Variants in ADCY4 observed in about 807,000 individuals in gnomAD.
The protein encoded by ADCY4 is adenylate cyclase 4, also known as adenylate cyclase type 4.
A neutral mutation model predicts 125.5 loss-of-function variants in ADCY4; 111 were observed. The observed-to-expected ratio is 0.88, with a 90% CI of 0.76 to 1.04. The LOEUF is 1.04. ADCY4 is among the 50% of genes least tolerant of loss of function. The pLI is 0.00. For missense variants in ADCY4, 1,256 were observed against 1,382.9 expected (o/e 0.91, Z 1.46); for synonymous variants, 576 against 586.9 (o/e 0.98, Z 0.27).
chr14:24,322,183 CT>C lies in ADCY4; in HGVS notation c.2468del (p.Lys823SerfsTer2). Reference protein sequence around the residue: ...YCRLDFLWKKKLRQEREETET... With the variant: ...YCRLDFLWKKXLRQEREETET... ...CTGTCTCCTCCCTCTCCTGCCTCAG[CT>C]TCTTCTTCCACAGGAAGTCCAGGCG... On this transcript the variant is annotated frameshift_variant, in exon 20 of 25. Transcript: ENST00000418030. LOFTEE classifies it high-confidence loss of function. The C allele has an allele frequency of 1.2e-6, 2 of 1,614,104 alleles. No homozygotes were observed. The highest frequency in any genetic ancestry group is 1.7e-6 in the Non-Finnish European group (2 of 1,179,976).
In ADCY4 at chr14:24,329,441, C is replaced by T. The variant is rs781569664; in HGVS notation, c.1310G>A (p.Arg437Gln). ...CAGATAGGTAGGCTCCCCTAGCTCCCGAAGGTAGGGGTCCCGATGCTCCAT... is the reference window on the plus strand; with the variant it reads ...CAGATAGGTAGGCTCCCCTAGCTCCTGAAGGTAGGGGTCCCGATGCTCCAT... Reference protein sequence around the residue: ...AGMEHRDPYLRELGEPTYLVI... With the variant: ...AGMEHRDPYLQELGEPTYLVI... Residue 437 changes from arginine (R) to glutamine (Q), a missense_variant, in exon 9 of 25, where the codon CGG (arginine) becomes CAG (glutamine). Arg to Gln is a conservative substitution (Grantham distance 43). Coordinates refer to ENST00000418030, the MANE Select transcript of ADCY4 (RefSeq NM_001198568.2). The T allele has an allele frequency of 1.3e-5, 21 of 1,576,976 alleles. No homozygotes were observed. The highest frequency in any genetic ancestry group is 3.8e-5 in the Admixed American group (2 of 52,302).
chr14:24,330,460 C>A, intron 6 of ADCY4, 165 bp from the exon 7 acceptor site: 1 of 902,342 alleles, frequency 1.1e-6, no homozygotes, highest in Non-Finnish European at 1.7e-6. Context: ...ATGGGGCTAA[C>A]TGTCTTTCAT....
Position 24,332,793 on chromosome 14 carries a change from G to T in ADCY4, c.355C>A (p.Gln119Lys). 6.5e-7 allele frequency: 1 copy of T among 1,550,038 alleles called. No homozygotes were observed. The highest frequency in any genetic ancestry group is 8.7e-7 in the Non-Finnish European group (1 of 1,144,038). The change falls in exon 2 of 25, where the codon CAG becomes AAG. Residue 119 changes from glutamine to lysine, a missense_variant and splice_region_variant. Gln to Lys is a moderately conservative substitution (Grantham distance 53, BLOSUM62 1). Transcript: ENST00000418030. ...FTGGVVSAWD[Q>K]VSYFLFVIFT... ...GCCCCGCCTGCCGCCCCTCTCACCT[G>T]GTCCCAGGCGCTCACCACGCCCCCG...
chr14:24,332,550 G>C lies in ADCY4; in HGVS notation c.491C>G (p.Pro164Arg). 1 of 1,572,852 alleles carries C rather than the reference G, an allele frequency of 6.4e-7. No individual in the cohort carries two copies. Among genetic ancestry groups the C allele is most frequent in the South Asian group, 1.2e-5 (1 of 86,018 alleles). ...CGGCAGCAGTGCAGGCCGTGAGTCC[G>C]GCTGTGGCCCAAGATACAGCCCGAG... The part of the protein sequence containing the change: ...LVLGLYLGPQ[P>R]DSRPALLPQL... The change falls in exon 3 of 25, where the codon CCG becomes CGG. Residue 164 changes from proline to arginine, a missense_variant. Physicochemically the swap from Pro to Arg is moderately radical, Grantham distance 103 (BLOSUM62 -2). Coordinates refer to ENST00000418030, the MANE Select transcript of ADCY4 (RefSeq NM_001198568.2).
In ADCY4 at chr14:24,318,877, G is replaced by A. The variant is rs530913533; in HGVS notation, c.2957-99C>T. The stretch of plus-strand genomic sequence containing the variant: ...AGGGAGAAGAGCCTGGGGGGCCCTA[G>A]AGGAGAGGAGGGGTCTCTAAGGGCT... On this transcript the variant is annotated intron_variant, in intron 23 of 24. Coordinates refer to ENST00000418030, the MANE Select transcript of ADCY4 (RefSeq NM_001198568.2). The A allele has an allele frequency of 1.9e-4, 300 of 1,540,004 alleles. 1 individual carries two copies. In the African/African-American group the frequency reaches 3.3e-3, roughly 17 times the overall value.
Position 24,318,445 on chromosome 14 carries a change from T to C in ADCY4, c.3205A>G (p.Thr1069Ala), listed in dbSNP as rs1158903102. 1.9e-6 allele frequency: 3 copies of C among 1,614,016 alleles called. No homozygotes were observed. Among genetic ancestry groups the C allele is most frequent in the Non-Finnish European group, 1.7e-6 (2 of 1,179,992 alleles). The change falls in exon 25 of 25, where the codon ACT becomes GCT. Residue 1069 changes from threonine (T) to alanine (A), a missense_variant. Transcript: ENST00000418030. ...TYFLNTDLTR[T>A]GPPSATLG Reference sequence around the variant, plus strand: ...CCTAGGGTAGCTGAAGGAGGTCCAGTTCGTGTCAAGTCTGTGTTCAGGAAG... The same window carrying C: ...CCTAGGGTAGCTGAAGGAGGTCCAGCTCGTGTCAAGTCTGTGTTCAGGAAG...
chr14:24,327,555 A>T (rs966608800), intron 10 of ADCY4, among the ~76,000 whole-genome samples: 3 of 152,110 alleles, frequency 2.0e-5, no homozygotes, highest in African/African-American at 7.2e-5. Context: ...CCTCATGTTA[A>T]CACTTGGAAT....
chr14:24,333,828 TG>T (rs2042089361), intron 1 of ADCY4, among the ~76,000 whole-genome samples: 1 of 152,128 alleles, frequency 6.6e-6, no homozygotes, highest in African/African-American at 2.4e-5. Flanking sequence ...CGCACCTCCC[TG>T]GCCACCAGGG....
At chr14:24,324,608 A>G (rs1033955591) in intron 14 of ADCY4, among the ~76,000 whole-genome samples, 5 of 152,028 alleles carry the variant, frequency 3.3e-5, no homozygotes, top group East Asian at 3.9e-4. Flanking sequence ...ACAGGGACCC[A>G]TATGGTGGGG....
chr14:24,322,294 C>T, intron 19 of ADCY4, 70 bp from the exon 20 acceptor site: 2 of 1,535,558 alleles, frequency 1.3e-6, no homozygotes, highest in Non-Finnish European at 1.8e-6. Context: ...GTGTTCAGCC[C>T]CAACTCCATG....
intron 8 of ADCY4, 94 bp from the exon 9 acceptor site, chr14:24,329,627 C>T: frequency 2.0e-6 from 3 of 1,468,560 alleles, no homozygotes; most frequent in South Asian, 1.4e-5. Context: ...AACTGACAAA[C>T]ATCTCATGTC....
Position 24,330,174 on chromosome 14 carries a change from G to T in ADCY4, c.1052C>A (p.Ala351Asp). The T allele has an allele frequency of 1.2e-6, 2 of 1,613,740 alleles. No individual in the cohort carries two copies. Among genetic ancestry groups the T allele is most frequent in the East Asian group, 4.5e-5 (2 of 44,864 alleles). ...CVRMGLDMCR[A>D]IRKLRAATGV... Reference sequence around the variant, plus strand: ...GACCACCGCCTGAGCTGACCTGATGGCCCGGCACATGTCCAGGCCCATGCG... The same window carrying T: ...GACCACCGCCTGAGCTGACCTGATGTCCCGGCACATGTCCAGGCCCATGCG... Residue 351 changes from alanine (A) to aspartate (D), a missense_variant, in exon 7 of 25, where the codon GCC becomes GAC. Transcript: ENST00000418030.
rs2041898826 is a variant in ADCY4 at position 24,323,967 on chromosome 14, G to A, written c.2046+95C>T. 7 of 1,507,046 alleles carry A rather than the reference G, an allele frequency of 4.6e-6. No individual in the cohort carries two copies. In the African/African-American group the frequency reaches 6.9e-5, roughly 15 times the overall value. The allele number at this position is 1,507,046 out of a possible 1,614,324, so 93.4% of individuals were successfully genotyped here. A position where few individuals can be genotyped will look rare whatever the true frequency, so the allele number is the denominator to read the frequency against. On this transcript the variant is annotated intron_variant, in intron 16 of 24. Transcript: ENST00000418030. ...ACATTTCCAGCATCCCCTGGGCTTAGTCCAGCTGCCTGCCCAAATCCAGGG... is the reference window on the plus strand; with the variant it reads ...ACATTTCCAGCATCCCCTGGGCTTAATCCAGCTGCCTGCCCAAATCCAGGG...
Position 24,331,450 on chromosome 14 carries a change from T to C in ADCY4, c.670-94A>G, listed in dbSNP as rs112287635. ...ACTCAGGAGCCCACACTGCCCATCC[T>C]AGGTGCTCCCCAGGGTGCTCCCCCA... On this transcript the variant is annotated intron_variant, in intron 4 of 24. Transcript: ENST00000418030. 7.2e-4 allele frequency: 1,109 copies of C among 1,546,056 alleles called. 6 individuals are homozygous for C. The African/African-American group carries it at 0.011, about 15-fold the overall frequency.
intron 14 of ADCY4, among the ~76,000 whole-genome samples, 174 bp downstream of exon 14, chr14:24,325,203 C>A: frequency 7.8e-6 from 1 of 127,872 alleles, no homozygotes; most frequent in African/African-American, 4.0e-5. Flanking sequence ...ACAGGATCTA[C>A]AAGGTTAAGA....
At chr14:24,324,014 G>T in intron 16 of ADCY4, 48 bp downstream of exon 16, 2 of 1,594,924 alleles carry the variant, frequency 1.3e-6, no homozygotes, top group Non-Finnish European at 1.7e-6. Flanking sequence ...GTCCCTGGCA[G>T]GTCCAACATG....
chr14:24,325,281 G>A, intron 14 of ADCY4, 96 bp downstream of exon 14: 1 of 1,006,522 alleles, frequency 9.9e-7, no homozygotes, highest in South Asian at 1.3e-5. Context: ...TGAAGCTAAG[G>A]GGAAGGGGTG....
intron 16 of ADCY4, among the ~76,000 whole-genome samples, chr14:24,323,851 A>G (rs2041896132): frequency 6.6e-6 from 1 of 152,246 alleles, no homozygotes; most frequent in South Asian, 2.1e-4. Flanking sequence ...GAAAAAAGAT[A>G]AGAAGGACAT....
At position 24,329,192 on chromosome 14, in the gene ADCY4, A is replaced by G. The variant is rs1336475130; in HGVS notation, c.1393T>C (p.Ser465Pro). 9 of 1,613,886 alleles carry G rather than the reference A, an allele frequency of 5.6e-6. No individual in the cohort carries two copies. Among genetic ancestry groups the G allele is most frequent in the African/African-American group, 2.7e-5 (2 of 74,978 alleles). ...DEKGTAGGLL[S>P]SLEGLKMRPS... ...CGCATCTTGAGGCCCTCAAGCGAGG[A>G]CAGCAAGCCTCCTGCAGTGCCCTTC... The change falls in exon 10 of 25, where the codon TCC becomes CCC. Residue 465 changes from serine to proline, a missense_variant. Ser to Pro is a moderately conservative substitution (Grantham distance 74, BLOSUM62 -1). Transcript: ENST00000418030.
Sources: gnomAD v4.1 joint callset for allele counts (sites outside exome capture counted in the v4.1 genomes callset) on GRCh38, gnomAD v4.1.1 for gene constraint, MANE v1.5 for transcripts, NCBI Gene and HGNC (gene_info 2026-07-23, HGNC 2026-07-21) for gene names.